The following LTBP1 variants were observed in gnomAD, a reference collection of about 807,000 sequenced individuals.
LTBP1 encodes latent transforming growth factor beta binding protein 1.
LTBP1 carries 129 observed loss-of-function variants against 207.6 expected under a neutral mutation model. That is an observed-to-expected ratio of 0.62 (90% CI 0.54 to 0.72). LTBP1 has a LOEUF of 0.72. LTBP1 is among the 30% of genes least tolerant of loss of function. The pLI, the probability that LTBP1 is intolerant of heterozygous loss-of-function variation, is 0.00. For synonymous variants in LTBP1, 963 were observed against 833.7 expected (o/e 1.16, Z -2.67); for missense variants, 2,281 against 2,217.2 (o/e 1.03, Z -0.58).
At chr2:33,121,861 T>C (rs2081142160) in intron 4 of LTBP1, among the ~76,000 whole-genome samples, 1 of 152,206 alleles carries the variant, frequency 6.6e-6, no homozygotes, top group African/African-American at 2.4e-5. Flanking sequence ...AAAAGCACTT[T>C]CGTTAGTCTT....
chr2:33,151,710 G>T (rs760358244), intron 5 of LTBP1, among the ~76,000 whole-genome samples: 2 of 152,082 alleles, frequency 1.3e-5, no homozygotes, highest in Non-Finnish European at 2.9e-5. Flanking sequence ...GAAAACATAC[G>T]ATGTTTGGTT....
At chr2:33,223,861 A>G (rs540301450) in intron 9 of LTBP1, among the ~76,000 whole-genome samples, 1 of 152,324 alleles carries the variant, frequency 6.6e-6, no homozygotes, top group South Asian at 2.1e-4. Context: ...GAAGAGAAAT[A>G]TTATGGCTGC....
chr2:33,015,632 T>A (rs1188872940), intron 2 of LTBP1, among the ~76,000 whole-genome samples: 1 of 22,700 alleles, frequency 4.4e-5, no homozygotes, highest in Admixed American at 7.1e-4. Context: ...GTGATAGGGC[T>A]GGGTGGGTGG....
At chr2:33,183,393 A>G (rs2086870152) in intron 5 of LTBP1, among the ~76,000 whole-genome samples, 1 of 152,246 alleles carries the variant, frequency 6.6e-6, no homozygotes. Flanking sequence ...CCAGATGTGC[A>G]GGGACCAATC....
chr2:33,064,362 A>G (rs1433173269), intron 3 of LTBP1, among the ~76,000 whole-genome samples: 7 of 152,202 alleles, frequency 4.6e-5, no homozygotes, highest in Non-Finnish European at 1.0e-4. Context: ...CAGGCTAAAA[A>G]GTTAGCCTCC....
intron 26 of LTBP1, among the ~76,000 whole-genome samples, chr2:33,354,502 T>G (rs748095246): frequency 6.6e-6 from 1 of 152,132 alleles, no homozygotes; most frequent in Non-Finnish European, 1.5e-5. Flanking sequence ...CTAGTCAAGT[T>G]TCTTCCCACA....
At chr2:33,343,333 C>T (rs1036540750) in intron 25 of LTBP1, among the ~76,000 whole-genome samples, 1 of 150,306 alleles carries the variant, frequency 6.7e-6, no homozygotes, top group East Asian at 2.0e-4. Flanking sequence ...ATCTCATGTG[C>T]CCAGGAGTTT....
At chr2:33,389,862 A>C (rs2150586715) in intron 32 of LTBP1, among the ~76,000 whole-genome samples, 1 of 151,834 alleles carries the variant, frequency 6.6e-6, no homozygotes, top group East Asian at 2.0e-4. Context: ...CTCTTCTTGA[A>C]CTCCTGACCT....
intron 32 of LTBP1, among the ~76,000 whole-genome samples, chr2:33,391,105 C>T (rs1213248597): frequency 4.1e-5 from 6 of 146,744 alleles, no homozygotes; most frequent in Non-Finnish European, 7.4e-5. Context: ...GTGTATTGAT[C>T]ATCTGGTAGA....
At chr2:33,087,043 G>A (rs1004971121) in intron 3 of LTBP1, among the ~76,000 whole-genome samples, 10 of 145,008 alleles carry the variant, frequency 6.9e-5, no homozygotes, top group Admixed American at 2.1e-4. Context: ...CCAGCATTTC[G>A]GATTCTGGAC....
intron 10 of LTBP1, among the ~76,000 whole-genome samples, chr2:33,244,530 G>A (rs1401188074): frequency 1.3e-5 from 2 of 152,182 alleles, no homozygotes; most frequent in East Asian, 1.9e-4. Flanking sequence ...CAGATCATAT[G>A]CCATTAGAGA....
At chr2:33,365,643 G>GTGTGTGTGTA (rs1553518271) in intron 31 of LTBP1, 140 bp downstream of exon 31, 6 of 773,098 alleles carry the variant, frequency 7.8e-6, no homozygotes, top group Admixed American at 2.8e-5. Flanking sequence ...GTGTGTGTGT[G>GTGTGTGTGTA]TGTGTGTAGG....
At chr2:33,010,345 A>G (rs548666799) in intron 2 of LTBP1, among the ~76,000 whole-genome samples, 1 of 152,304 alleles carries the variant, frequency 6.6e-6, no homozygotes, top group South Asian at 2.1e-4. Context: ...ATCTTTTTCA[A>G]TCAGAGGCTG....
chr2:33,307,308 A>T (rs1228694595), intron 22 of LTBP1, among the ~76,000 whole-genome samples: 1 of 152,218 alleles, frequency 6.6e-6, no homozygotes, highest in African/African-American at 2.4e-5. Flanking sequence ...GTAAAATCAT[A>T]TGTTCACACA....
chr2:32,996,704 T>C (rs533423632), intron 2 of LTBP1, among the ~76,000 whole-genome samples: 15 of 152,122 alleles, frequency 9.9e-5, no homozygotes, highest in Non-Finnish European at 1.9e-4. Context: ...TGAAGAGTTA[T>C]TATCACCCAC....
intron 2 of LTBP1, among the ~76,000 whole-genome samples, chr2:32,977,598 G>C (rs1682011862): frequency 6.6e-6 from 1 of 152,168 alleles, no homozygotes; most frequent in African/African-American, 2.4e-5. Context: ...TCTCCAGGTG[G>C]CTCTCTGCTT....
chr2:33,276,712 G>A (rs1047316309), intron 18 of LTBP1, among the ~76,000 whole-genome samples: 2 of 152,104 alleles, frequency 1.3e-5, no homozygotes, highest in Non-Finnish European at 2.9e-5. Flanking sequence ...TTAGCTGGAT[G>A]TGGTGGCACA....
intron 3 of LTBP1, among the ~76,000 whole-genome samples, chr2:33,044,038 GTT>G (rs111941697): frequency 6.9e-6 from 1 of 144,352 alleles, no homozygotes. Context: ...ATTTCTGTTC[GTT>G]TTTTTTTTTT....
At chr2:33,176,376 C>G (rs948940663) in intron 5 of LTBP1, among the ~76,000 whole-genome samples, 1 of 152,044 alleles carries the variant, frequency 6.6e-6, no homozygotes, top group Non-Finnish European at 1.5e-5. Context: ...CAGGCGCCCG[C>G]CACCACGCCC....
Sources: gnomAD v4.1 joint callset for allele counts (sites outside exome capture counted in the v4.1 genomes callset) on GRCh38, gnomAD v4.1.1 for gene constraint, MANE v1.5 for transcripts, NCBI Gene and HGNC (gene_info 2026-07-23, HGNC 2026-07-21) for gene names.